DGKK: variants seen among roughly 807,000 people sequenced by gnomAD.
DGKK encodes 142 kDa diacylglycerol kinase.
A neutral mutation model predicts 92.2 loss-of-function variants in DGKK; 35 were observed. The observed-to-expected ratio is 0.38, with a 90% confidence interval of 0.29 to 0.50. The LOEUF is 0.50. Among genes scored for constraint, DGKK ranks in the 20% least tolerant of loss-of-function variants. The pLI is 0.92. For missense variants in DGKK, 910 were observed against 992.2 expected, an observed-to-expected ratio of 0.92 and a Z score of 1.11; for synonymous variants, 368 against 360.6, an observed-to-expected ratio of 1.02 and a Z score of -0.23.
At chrX:50,450,266 CT>C (rs1926465952) in intron 1 of DGKK, among the ~76,000 whole-genome samples, 1 of 112,408 alleles carries the variant, frequency 8.9e-6, no homozygotes, top group African/African-American at 3.2e-5. Flanking sequence ...TTCCAGAAAG[CT>C]TTTCTTCATC....
rs1295570425 is a variant in DGKK, at chrX:50,384,384, A to G, written c.2453-120T>C. 2.1e-5 allele frequency: 10 copies of G among 472,274 alleles called. No homozygotes were observed. In the East Asian group the frequency reaches 4.0e-4, roughly 19 times the overall value. 38.9% of individuals were successfully genotyped at this position (472,274 alleles called of 1,213,427 possible). ...GTCAAGCTCAGTGACTTTCTCCTAGATAATATTAAGGGTTCTAATTCCAAA... is the reference window on the plus strand; with the variant it reads ...GTCAAGCTCAGTGACTTTCTCCTAGGTAATATTAAGGGTTCTAATTCCAAA... On this transcript the variant is annotated intron_variant, in intron 16 of 27. Coordinates refer to ENST00000611977, the MANE Select transcript of DGKK (RefSeq NM_001013742.4).
At chrX:50,376,988 T>C in intron 22 of DGKK, 70 bp from the exon 23 acceptor site, 1 of 1,060,296 alleles carries the variant, frequency 9.4e-7, no homozygotes. Context: ...GATCTGTCTG[T>C]GAGCCTGACG....
At chrX:50,386,706 T>C (rs1181650467) in intron 14 of DGKK, 120 bp from the exon 15 acceptor site, 2 of 564,316 alleles carry the variant, frequency 3.5e-6, no homozygotes, top group Non-Finnish European at 5.5e-6. Context: ...CCATAAATGC[T>C]GAGCATAGAA....
Position 50,384,151 on chromosome X carries a change from T to C in DGKK, c.2549+17A>G, listed in dbSNP as rs781910051. ...AAAGAAAGAAGCCATTAAAAGGTGA[T>C]AGAGTTAAATACTTACATAGATTCA... is the stretch of plus-strand genomic sequence containing the variant. On this transcript the variant is annotated intron_variant, in intron 17 of 27. Coordinates refer to ENST00000611977, the MANE Select transcript of DGKK (RefSeq NM_001013742.4). The C allele has an allele frequency of 5.6e-5, 58 of 1,031,211 alleles. No homozygotes were observed. Among genetic ancestry groups the C allele is most frequent in the Non-Finnish European group, 7.0e-5 (53 of 758,390 alleles). 85.0% of individuals were successfully genotyped at this position (1,031,211 alleles called of 1,213,427 possible).
intron 1 of DGKK, among the ~76,000 whole-genome samples, chrX:50,448,446 T>TAAAAGACATAATGCTAGACTCCTACAC: frequency 9.0e-6 from 1 of 110,956 alleles, no homozygotes; most frequent in Non-Finnish European, 1.9e-5. Flanking sequence ...AGGACTTGAC[T>TAAAAGACATAATGCTAGACTCCTACAC]AAAAGACATA....
chrX:50,447,400 TATA>T (rs1926381236), intron 1 of DGKK, among the ~76,000 whole-genome samples: 3 of 16,836 alleles, frequency 1.8e-4, no homozygotes, highest in African/African-American at 1.8e-3. Context: ...ATATATTATA[TATA>T]TATATAATAT....
rs782136291 is a variant in DGKK at position 50,381,713 on chromosome X, C to T, written c.2657+783G>A. Among the ~76,000 whole-genome samples the T allele has an allele frequency of 3.6e-5, 4 of 111,589 alleles. No homozygotes were observed. The East Asian group carries it at 1.1e-3, about 32-fold the overall frequency. On this transcript the variant is annotated intron_variant, in intron 18 of 27. Transcript: ENST00000611977. ...AGGCAAAGATTTCTTACAGATGGCA[C>T]CAAAAGCATGGTCCATAAAGAAAAA...
chrX:50,389,908 C>G (rs1243006307), intron 12 of DGKK, among the ~76,000 whole-genome samples: 1 of 111,319 alleles, frequency 9.0e-6, no homozygotes, highest in African/African-American at 3.3e-5. Flanking sequence ...TCCTTCTGAG[C>G]GGCTTTCCCT....
chrX:50,436,635 C>T (rs781915241), intron 1 of DGKK, among the ~76,000 whole-genome samples: 6 of 111,397 alleles, frequency 5.4e-5, no homozygotes, highest in Non-Finnish European at 9.4e-5. Flanking sequence ...TTAATTTACA[C>T]AGCACTTTGT....
At chrX:50,403,824 C>A (rs942403675) in intron 5 of DGKK, among the ~76,000 whole-genome samples, 2 of 111,509 alleles carry the variant, frequency 1.8e-5, no homozygotes. Context: ...GAGGTGATTT[C>A]TGTCTTTTTA....
At chrX:50,373,263 G>A (rs1353061538) in intron 25 of DGKK, among the ~76,000 whole-genome samples, 1 of 111,923 alleles carries the variant, frequency 8.9e-6, no homozygotes, top group Non-Finnish European at 1.9e-5. Flanking sequence ...GAAACAAGCT[G>A]TATCTCCATC....
Position 50,365,921 on chromosome X carries a change from C to T in DGKK, c.*3019G>A, listed in dbSNP as rs1304474291. ...CAGGGCCTTTCTGGAGAAGGGGACC[C>T]ATAACTGTTTACCTCCTATAGTATT... On this transcript the variant is annotated 3_prime_UTR_variant, in exon 28 of 28. Transcript: ENST00000611977. The T allele has an allele frequency of 2.7e-5, 3 of 111,576 alleles. No individual in the cohort carries two copies. Among genetic ancestry groups the T allele is most frequent in the African/African-American group, 9.8e-5 (3 of 30,615 alleles). 9.2% of individuals were successfully genotyped at this position (111,576 alleles called of 1,213,427 possible).
Position 50,379,754 on chromosome X carries a change from C to G in DGKK, c.2755-20G>C. On this transcript the variant is annotated intron_variant, in intron 19 of 27. Transcript: ENST00000611977. ...ATCACACTGAAAGAAAAGAGTAGCT[C>G]TCATTAGCTGGATCTTTAGATAGCA... 1 of 1,153,602 alleles carries G rather than the reference C, an allele frequency of 8.7e-7. No homozygotes were observed. The highest frequency in any genetic ancestry group is 1.2e-6 in the Non-Finnish European group (1 of 843,168).
In DGKK at chrX:50,384,775, T is replaced by C. The variant is rs782021718; in HGVS notation, c.2397A>G (p.Ser799=). The change falls in exon 16 of 28, where the codon TCA becomes TCG. Residue 799 remains serine, a synonymous_variant. Coordinates refer to ENST00000611977, the MANE Select transcript of DGKK (RefSeq NM_001013742.4). ...CTGGGTCATCTTCCAGGAAGAAAGT[T>C]GAACTAAAGTTCTTAACAGATATTG... ...RQTISVKNFS[S]TFFLEDDPED... is the part of the protein sequence containing the mutation. The C allele has an allele frequency of 8.3e-7, 1 of 1,209,052 alleles. No homozygotes were observed. Among genetic ancestry groups the C allele is most frequent in the African/African-American group, 1.8e-5 (1 of 57,078 alleles).
chrX:50,369,502 C>T (rs114379511), intron 27 of DGKK, among the ~76,000 whole-genome samples: 1 of 104,071 alleles, frequency 9.6e-6, no homozygotes, highest in Non-Finnish European at 2.0e-5. Flanking sequence ...TTTCTTTATT[C>T]TTCCTCTTTT....
rs187765968 is a variant in DGKK, at chrX:50,421,703, C to T, written c.837+743G>A. Reference sequence around the variant, plus strand: ...GCAAAATCTTCTTCTTAGACCCAGCCGCTCTCCTTTCAAGGGAGGATGGAA... The same window carrying T: ...GCAAAATCTTCTTCTTAGACCCAGCTGCTCTCCTTTCAAGGGAGGATGGAA... On this transcript the variant is annotated intron_variant, in intron 3 of 27. Transcript: ENST00000611977. Among the ~76,000 whole-genome samples, 71 of 111,720 alleles carry T rather than the reference C, an allele frequency of 6.4e-4. 1 individual carries two copies. Among genetic ancestry groups the T allele is most frequent in the Admixed American group, 4.3e-3 (45 of 10,560 alleles).
intron 15 of DGKK, 59 bp from the exon 16 acceptor site, chrX:50,384,883 G>A (rs1435080099): frequency 1.2e-6 from 1 of 829,257 alleles, no homozygotes; most frequent in East Asian, 3.2e-5. Context: ...GAGGGAGGAA[G>A]AAAGGAGGGA....
chrX:50,375,082 A>G, intron 24 of DGKK, 25 bp from the exon 25 acceptor site: 2 of 1,135,091 alleles, frequency 1.8e-6, no homozygotes, highest in Non-Finnish European at 2.4e-6. Context: ...ACGGAAAAGG[A>G]GAGAAAAAGA....
At chrX:50,441,140 A>G (rs183098098) in intron 1 of DGKK, among the ~76,000 whole-genome samples, 4 of 111,438 alleles carry the variant, frequency 3.6e-5, no homozygotes, top group Non-Finnish European at 7.6e-5. Context: ...GTAGCAAGTT[A>G]CATAATGAGA....
Sources: allele counts gnomAD v4.1 joint callset (sites outside exome capture counted in the v4.1 genomes callset), GRCh38; gene constraint gnomAD v4.1.1; transcripts MANE v1.5; gene names NCBI Gene and HGNC (gene_info 2026-07-23, HGNC 2026-07-21).